Variants in UBP1 observed in about 807,000 individuals in gnomAD.
UBP1 encodes the protein upstream-binding protein 1.
UBP1 carries 22 observed loss-of-function variants against 76.1 expected under a neutral mutation model. The ratio of observed to expected loss-of-function variants is 0.29; its 90% CI spans 0.21 to 0.41. The LOEUF (loss-of-function observed/expected upper bound fraction) is 0.41. Ranked by LOEUF, UBP1 falls within the 10% of genes least tolerant of loss-of-function variation. The pLI is 1.00. For synonymous variants in UBP1, 224 were observed against 237.1 expected, an observed-to-expected ratio of 0.94 and a Z score of 0.51; for missense variants, 436 against 668.1, an observed-to-expected ratio of 0.65 and a Z score of 3.83.
chr3:33,429,577 C>T (rs2045079702), intron 1 of UBP1, among the ~76,000 whole-genome samples: 1 of 152,190 alleles, frequency 6.6e-6, no homozygotes, highest in African/African-American at 2.4e-5. Flanking sequence ...GATCCACCCA[C>T]CTCGGCCTCC....
chr3:33,433,096 T>A (rs2045140845), intron 1 of UBP1, among the ~76,000 whole-genome samples: 1 of 151,660 alleles, frequency 6.6e-6, no homozygotes, highest in African/African-American at 2.4e-5. Flanking sequence ...AGTCTCACTC[T>A]GTCGCCCAGG....
chr3:33,404,469 CTA>C (rs2044360885), intron 8 of UBP1, among the ~76,000 whole-genome samples: 1 of 145,556 alleles, frequency 6.9e-6, no homozygotes, highest in Non-Finnish European at 1.5e-5. Context: ...CAAAGCCAAG[CTA>C]AAGATAATAG....
intron 8 of UBP1, among the ~76,000 whole-genome samples, chr3:33,407,257 CTT>C (rs758480628): frequency 2.0e-4 from 31 of 152,294 alleles, no homozygotes; most frequent in Admixed American, 9.8e-4. Context: ...ATACTTTAGA[CTT>C]AAGAATCATT....
At chr3:33,426,120 T>G (rs986409115) in intron 1 of UBP1, among the ~76,000 whole-genome samples, 3 of 149,598 alleles carry the variant, frequency 2.0e-5, no homozygotes, top group Non-Finnish European at 4.4e-5. Flanking sequence ...ACCTAGCTAC[T>G]TGATTTGAAA....
intron 1 of UBP1, among the ~76,000 whole-genome samples, chr3:33,425,996 A>ATATAT (rs2045005195): frequency 1.8e-5 from 1 of 55,136 alleles, no homozygotes; most frequent in African/African-American, 8.6e-5. Flanking sequence ...GGCAGCTCTG[A>ATATAT]ATATATATAT....
In UBP1 at chr3:33,431,663, C is replaced by A. The variant is rs117978806; in HGVS notation, c.114-5922G>T. 1.5e-3 allele frequency among the ~76,000 whole-genome samples: 225 copies of A among 151,538 alleles called. 7 individuals carry two copies. In the East Asian group the frequency reaches 0.033, roughly 22 times the overall value. On this transcript the variant is annotated intron_variant, in intron 1 of 15. Coordinates refer to ENST00000283629, the MANE Select transcript of UBP1 (RefSeq NM_014517.5). Reference sequence around the variant, plus strand: ...GCTGAAGCAGGAGAATTGCTTGAATCTGGAAGGCAGAGGTTGCAGTAAGCC... The same window carrying A: ...GCTGAAGCAGGAGAATTGCTTGAATATGGAAGGCAGAGGTTGCAGTAAGCC...
chr3:33,420,044 A>C (rs2154058611), intron 2 of UBP1, among the ~76,000 whole-genome samples: 1 of 152,266 alleles, frequency 6.6e-6, no homozygotes, highest in African/African-American at 2.4e-5. Context: ...CCCACCTTTG[A>C]AGACACATAC....
rs2044642580 is a variant in UBP1, at chr3:33,413,407, CATG to C, written c.343-583_343-581del. On this transcript the variant is annotated intron_variant, in intron 3 of 15. Transcript: ENST00000283629. ...CAAAAAATACAAAAAATTAGCCAGGCATGGTGGTGGGCGCCTGTAGTACCAGCT... is the reference window on the plus strand; with the variant it reads ...CAAAAAATACAAAAAATTAGCCAGGCGTGGTGGGCGCCTGTAGTACCAGCT... 2.0e-5 allele frequency among the ~76,000 whole-genome samples: 3 copies of C among 151,706 alleles called. No individual in the cohort carries two copies. In the South Asian group the frequency reaches 6.2e-4, roughly 32 times the overall value.
chr3:33,440,724 T>C (rs1023735455), upstream of UBP1: 12 of 152,326 alleles, frequency 7.9e-5, no homozygotes, highest in Admixed American at 7.8e-4. Flanking sequence ...GTCCCCCGAC[T>C]AAACAACCAA....
At chr3:33,394,817 G>GTTTTTTTTTTTTTTTTT (rs76142927) in intron 13 of UBP1, among the ~76,000 whole-genome samples, 1 of 110,444 alleles carries the variant, frequency 9.1e-6, no homozygotes. Context: ...CCCTCCACTT[G>GTTTTTTTTTTTTTTTTT]TTTTTTTTTT....
At chr3:33,392,651 A>G (rs765192738) in intron 14 of UBP1, 37 bp from the exon 15 acceptor site, 2 of 1,561,576 alleles carry the variant, frequency 1.3e-6, no homozygotes, top group East Asian at 4.5e-5. Flanking sequence ...TACAATTAAG[A>G]TCCAACTGTC....
chr3:33,425,441 T>TA, intron 2 of UBP1, 149 bp downstream of exon 2: 1 of 867,126 alleles, frequency 1.2e-6, no homozygotes, highest in Non-Finnish European at 1.6e-6. Context: ...CTGCTCACAG[T>TA]AAAATTCCTA....
chr3:33,403,006 C>T (rs1042241964), intron 8 of UBP1, 102 bp from the exon 9 acceptor site: 7 of 1,032,068 alleles, frequency 6.8e-6, no homozygotes, highest in African/African-American at 1.6e-5. Context: ...TTATAAAATG[C>T]GAGACAGCTG....
intron 13 of UBP1, among the ~76,000 whole-genome samples, chr3:33,395,704 A>T (rs2043952359): frequency 1.4e-5 from 2 of 143,660 alleles, no homozygotes; most frequent in South Asian, 4.6e-4. Context: ...ACTGTTGCAC[A>T]TATGTTATGC....
chr3:33,392,978 G>A, intron 14 of UBP1: 1 of 310,788 alleles, frequency 3.2e-6, no homozygotes, highest in Non-Finnish European at 5.8e-6. Flanking sequence ...TTTTAAATTA[G>A]TCATCAAATA....
chr3:33,437,562 T>C (rs1250135626), intron 1 of UBP1, among the ~76,000 whole-genome samples: 1 of 152,244 alleles, frequency 6.6e-6, no homozygotes, highest in African/African-American at 2.4e-5. Context: ...AGTAAGCATG[T>C]TTCATTTTGA....
At chr3:33,426,743 T>C (rs1357326589) in intron 1 of UBP1, among the ~76,000 whole-genome samples, 1 of 152,232 alleles carries the variant, frequency 6.6e-6, no homozygotes, top group East Asian at 1.9e-4. Flanking sequence ...ATCCGTGTTC[T>C]AACATGTACC....
At chr3:33,427,116 T>C (rs775937720) in intron 1 of UBP1, among the ~76,000 whole-genome samples, 1 of 152,204 alleles carries the variant, frequency 6.6e-6, no homozygotes, top group Non-Finnish European at 1.5e-5. Context: ...TAGAGGCATG[T>C]GCCACCACAC....
At chr3:33,390,694 G>A (rs1559661624) in intron 15 of UBP1, 2 of 327,196 alleles carry the variant, frequency 6.1e-6, no homozygotes, top group East Asian at 1.1e-4. Flanking sequence ...GAGCTAGAAG[G>A]AGAACAGGTG....
Sources: gnomAD v4.1 joint callset for allele counts (sites outside exome capture counted in the v4.1 genomes callset) on GRCh38, gnomAD v4.1.1 for gene constraint, MANE v1.5 for transcripts, NCBI Gene and HGNC (gene_info 2026-07-23, HGNC 2026-07-21) for gene names.